The following LUZP2 variants were observed in gnomAD, a reference collection of about 807,000 sequenced individuals.
LUZP2 encodes the protein leucine zipper protein 2.
In LUZP2, 52 loss-of-function variants were observed where a neutral mutation model predicts 51.6. The ratio of observed to expected loss-of-function variants is 1.01; its 90% CI spans 0.81 to 1.27. The LOEUF is 1.27. Among genes scored for constraint, LUZP2 ranks in the 50% most tolerant of loss-of-function variants. The pLI, the probability that LUZP2 is intolerant of heterozygous loss-of-function variation, is 0.00. For synonymous variants in LUZP2, 154 were observed against 137.3 expected, an observed-to-expected ratio of 1.12 and a Z score of -0.85; for missense variants, 436 against 395.4, an observed-to-expected ratio of 1.10 and a Z score of -0.87.
chr11:24,846,116 A>T (rs971497148), intron 5 of LUZP2, among the ~76,000 whole-genome samples: 3 of 152,020 alleles, frequency 2.0e-5, no homozygotes, highest in Non-Finnish European at 4.4e-5. Context: ...GAACAGAGAG[A>T]AACATGAATT....
chr11:24,681,275 C>T (rs1430721219), intron 1 of LUZP2, among the ~76,000 whole-genome samples: 1 of 152,182 alleles, frequency 6.6e-6, no homozygotes, highest in East Asian at 1.9e-4. Flanking sequence ...GCCACCGCGC[C>T]CGGCCTAATT....
intron 1 of LUZP2, among the ~76,000 whole-genome samples, chr11:24,714,781 T>A (rs1054304008): frequency 3.3e-5 from 5 of 152,182 alleles, no homozygotes; most frequent in East Asian, 1.9e-4. Context: ...CCTGAGAAAT[T>A]TGATAGCCTG....
chr11:24,881,892 C>A (rs1590683508), intron 5 of LUZP2, among the ~76,000 whole-genome samples: 1 of 144,138 alleles, frequency 6.9e-6, no homozygotes. Context: ...AAAATCATTT[C>A]TAATAACCTA....
At chr11:25,050,455 C>T (rs1045297239) in intron 10 of LUZP2, among the ~76,000 whole-genome samples, 5 of 151,890 alleles carry the variant, frequency 3.3e-5, no homozygotes, top group Middle Eastern at 3.4e-3. Context: ...CAGGCGCCCG[C>T]CACCGCGCTC....
intron 9 of LUZP2, among the ~76,000 whole-genome samples, chr11:25,016,389 T>G (rs186742548): frequency 3.0e-4 from 45 of 152,080 alleles, no homozygotes; most frequent in Non-Finnish European, 6.2e-4. Flanking sequence ...TCAGCTACAA[T>G]TGAGAACCTA....
rs752289253 is a variant in LUZP2, at chr11:24,871,913, G to T, written c.397-34078G>T. On this transcript the variant is annotated intron_variant, in intron 5 of 11. Coordinates refer to ENST00000336930, the MANE Select transcript of LUZP2 (RefSeq NM_001009909.4). ...ACTATAATAGTATACAGTGATGTCT[G>T]CATAAGATTACCTTTCCAATTGTAA... Among the ~76,000 whole-genome samples the T allele has an allele frequency of 1.0e-3, 159 of 152,184 alleles. 2 individuals are homozygous for T. Among genetic ancestry groups the T allele is most frequent in the Non-Finnish European group, 2.9e-4 (20 of 67,986 alleles).
At position 24,991,973 on chromosome 11, in the gene LUZP2, T is replaced by C. The variant is rs983419795; in HGVS notation, c.765+8680T>C. Among the ~76,000 whole-genome samples, 4 of 152,146 alleles carry C rather than the reference T, an allele frequency of 2.6e-5. No individual in the cohort carries two copies. In the East Asian group the frequency reaches 7.7e-4, roughly 29 times the overall value. On this transcript the variant is annotated intron_variant, in intron 9 of 11. Coordinates refer to ENST00000336930, the MANE Select transcript of LUZP2 (RefSeq NM_001009909.4). The stretch of plus-strand genomic sequence containing the variant: ...ATTGTAGATTCTGGATATTAGTCCT[T>C]TGTCAGATTTATAGATTGTGAAGAT...
chr11:24,808,179 A>G (rs1035962871), intron 5 of LUZP2, among the ~76,000 whole-genome samples: 91 of 152,318 alleles, frequency 6.0e-4, no homozygotes, highest in African/African-American at 2.0e-3. Flanking sequence ...TTGTTAATTT[A>G]AATAATTAAT....
chr11:24,582,089 T>C (rs545071037), intron 1 of LUZP2, among the ~76,000 whole-genome samples: 1 of 152,304 alleles, frequency 6.6e-6, no homozygotes, highest in African/African-American at 2.4e-5. Context: ...TACCACCTAA[T>C]GTTAGTGAAA....
chr11:24,937,617 T>C (rs1000271675), intron 7 of LUZP2, among the ~76,000 whole-genome samples: 1 of 152,164 alleles, frequency 6.6e-6, no homozygotes, highest in Admixed American at 6.5e-5. Flanking sequence ...ATACGTCATA[T>C]GTGGCCGGGC....
chr11:24,713,345 C>A lies in LUZP2; in HGVS notation c.63-15824C>A, dbSNP rs111839399. On this transcript the variant is annotated intron_variant, in intron 1 of 11. Transcript: ENST00000336930. ...TTTTAATACCCTAGCGAAACCGAAT[C>A]GAAGTCACTCTTATTCAGTCTCCTT... 3.8e-3 allele frequency among the ~76,000 whole-genome samples: 580 copies of A among 152,160 alleles called. 4 individuals carry two copies. Among genetic ancestry groups the A allele is most frequent in the African/African-American group, 0.013 (559 of 41,536 alleles).
intron 1 of LUZP2, among the ~76,000 whole-genome samples, chr11:24,669,074 AC>A (rs754585604): frequency 1.3e-5 from 2 of 152,150 alleles, no homozygotes; most frequent in South Asian, 4.1e-4. Flanking sequence ...GCAAGGTGCA[AC>A]ACCAAAAAAG....
At chr11:24,833,729 C>CACACACACTT (rs1850774578) in intron 5 of LUZP2, among the ~76,000 whole-genome samples, 1 of 107,164 alleles carries the variant, frequency 9.3e-6, no homozygotes, top group African/African-American at 3.3e-5. Flanking sequence ...CACACACACA[C>CACACACACTT]ACTTGATTCC....
chr11:25,068,800 C>T (rs1223558006), intron 10 of LUZP2, among the ~76,000 whole-genome samples: 2 of 151,928 alleles, frequency 1.3e-5, no homozygotes, highest in East Asian at 1.9e-4. Context: ...ACCGTACCTA[C>T]TCTAATCATC....
chr11:24,768,774 G>A (rs1023634539), intron 5 of LUZP2, among the ~76,000 whole-genome samples: 22 of 34,988 alleles, frequency 6.3e-4, no homozygotes, highest in Non-Finnish European at 3.7e-4. Context: ...AGGATGTGGA[G>A]AAAGAACTGT....
chr11:24,623,114 C>T (rs1448516111), intron 1 of LUZP2, among the ~76,000 whole-genome samples: 2 of 152,026 alleles, frequency 1.3e-5, no homozygotes, highest in African/African-American at 4.8e-5. Flanking sequence ...CACACATACA[C>T]ACAGAGAGAT....
intron 1 of LUZP2, among the ~76,000 whole-genome samples, chr11:24,620,583 AAAATCCTAAATTC>A (rs1342137267): frequency 3.9e-5 from 6 of 152,222 alleles, no homozygotes; most frequent in African/African-American, 1.4e-4. Context: ...GGAAAATGTC[AAAATCCTAAATTC>A]AAATCCTAAA....
chr11:24,498,552 G>T (rs531148001), intron 1 of LUZP2, among the ~76,000 whole-genome samples: 7 of 152,148 alleles, frequency 4.6e-5, no homozygotes, highest in African/African-American at 1.7e-4. Flanking sequence ...AAAATGAAAT[G>T]TAAGTTTGAT....
At chr11:25,054,200 TATTG>T (rs1242904899) in intron 10 of LUZP2, among the ~76,000 whole-genome samples, 11 of 152,172 alleles carry the variant, frequency 7.2e-5, no homozygotes, top group South Asian at 2.1e-4. Context: ...TAAGAAAAAT[TATTG>T]ATTATCAGTC....
Sources: gnomAD v4.1 joint callset for allele counts (sites outside exome capture counted in the v4.1 genomes callset) on GRCh38, gnomAD v4.1.1 for gene constraint, MANE v1.5 for transcripts, NCBI Gene and HGNC (gene_info 2026-07-23, HGNC 2026-07-21) for gene names.